PAFAH1B2: variants seen among roughly 807,000 people sequenced by gnomAD.
PAFAH1B2 encodes platelet activating factor acetylhydrolase 1b catalytic subunit 2.
PAFAH1B2 carries 8 observed loss-of-function variants against 28.0 expected under a neutral mutation model. The ratio of observed to expected loss-of-function variants is 0.29; its 90% CI spans 0.17 to 0.52. The LOEUF (loss-of-function observed/expected upper bound fraction) is 0.52. PAFAH1B2 is among the 20% of genes least tolerant of loss of function. The pLI, the probability that PAFAH1B2 is intolerant of heterozygous loss-of-function variation, is 0.97. For missense variants in PAFAH1B2, 190 were observed against 282.6 expected (o/e 0.67, Z 2.35); for synonymous variants, 104 against 103.2 (o/e 1.01, Z -0.05).
At chr11:117,175,919 A>T, downstream of PAFAH1B2, 1 of 1,535,846 alleles carries the variant, frequency 6.5e-7, no homozygotes, top group Non-Finnish European at 8.7e-7. Flanking sequence ...ATTTACTGGC[A>T]AGATGAGCAG....
rs1956342081 is a variant in PAFAH1B2 at position 117,160,140 on chromosome 11, T to C, written c.171+117T>C. On this transcript the variant is annotated intron_variant, in intron 3 of 5. Transcript: ENST00000527958. The stretch of plus-strand genomic sequence containing the variant: ...TTGTGACTCTTAGAGAAGCCCTAAT[T>C]GAGGTTATAAGAGAATCAAAGCTAC... The C allele has an allele frequency of 1.5e-5, 12 of 776,884 alleles. No individual in the cohort carries two copies. In the South Asian group the frequency reaches 1.8e-4, roughly 12 times the overall value. The allele number at this position is 776,884 out of a possible 1,614,324, so 48.1% of individuals were successfully genotyped here.
At chr11:117,159,736 GAAAAA>G (rs369169854) in intron 2 of PAFAH1B2, 193 bp from the exon 3 acceptor site, 2 of 404,788 alleles carry the variant, frequency 4.9e-6, no homozygotes, top group African/African-American at 2.5e-5. Flanking sequence ...CGCTGTCTTA[GAAAAA>G]AAAAAAAAAA....
At chr11:117,155,305 G>C (rs540002398) in intron 2 of PAFAH1B2, among the ~76,000 whole-genome samples, 1 of 152,126 alleles carries the variant, frequency 6.6e-6, no homozygotes, top group African/African-American at 2.4e-5. Context: ...AAATAGAATA[G>C]AAATCGTATC....
rs887099384 is a variant in PAFAH1B2 at position 117,144,400 on chromosome 11, G to C, written c.-26G>C. ...CCGACGCCTCAGCCGCTTGGGGCCCGCACGGACCCTCTACTTCAGTGAGTG... is the reference window on the plus strand; with the variant it reads ...CCGACGCCTCAGCCGCTTGGGGCCCCCACGGACCCTCTACTTCAGTGAGTG... On this transcript the variant is annotated 5_prime_UTR_variant, in exon 1 of 6. Coordinates refer to ENST00000527958, the MANE Select transcript of PAFAH1B2 (RefSeq NM_002572.4). 2.5e-6 allele frequency: 1 copy of C among 404,066 alleles called. No homozygotes were observed. Among genetic ancestry groups the C allele is most frequent in the Admixed American group, 2.6e-5 (1 of 38,658 alleles). 25.0% of individuals were successfully genotyped at this position (404,066 alleles called of 1,614,324 possible).
chr11:117,160,899 TTAA>T (rs1205095115), intron 3 of PAFAH1B2, among the ~76,000 whole-genome samples: 4 of 152,194 alleles, frequency 2.6e-5, no homozygotes, highest in African/African-American at 9.7e-5. Context: ...AGCTTAATTA[TTAA>T]TGTTGATACC....
chr11:117,150,777 G>A (rs938373444), intron 1 of PAFAH1B2, among the ~76,000 whole-genome samples: 4 of 152,080 alleles, frequency 2.6e-5, no homozygotes, highest in African/African-American at 7.2e-5. Flanking sequence ...CTTTTCTTCA[G>A]GAGATCGAGA....
At chr11:117,149,362 T>C (rs535106717) in intron 1 of PAFAH1B2, among the ~76,000 whole-genome samples, 10 of 150,786 alleles carry the variant, frequency 6.6e-5, no homozygotes, top group African/African-American at 2.4e-4. Context: ...AGATTATAAG[T>C]GTGAGCCGCC....
At chr11:117,176,434 G>A (rs768638526) in exon 6 of PAFAH1B2, 14 of 211,438 alleles carry the variant, frequency 6.6e-5, no homozygotes, top group Non-Finnish European at 1.1e-4. Context: ...AGTCTTCATT[G>A]GAACAAGGCT....
chr11:117,176,416 G>T (rs2134240839), exon 6 of PAFAH1B2: 1 of 219,838 alleles, frequency 4.5e-6, no homozygotes, highest in East Asian at 6.8e-5. Flanking sequence ...CTGATCATAA[G>T]GTAAAATAGT....
At chr11:117,148,939 C>T (rs530603421) in intron 1 of PAFAH1B2, among the ~76,000 whole-genome samples, 1 of 152,098 alleles carries the variant, frequency 6.6e-6, no homozygotes, top group East Asian at 1.9e-4. Flanking sequence ...ATGATCACAG[C>T]TCACTGCAGC....
intron 5 of PAFAH1B2, among the ~76,000 whole-genome samples, chr11:117,164,919 C>T (rs996450416): frequency 6.6e-6 from 1 of 151,644 alleles, no homozygotes; most frequent in African/African-American, 2.4e-5. Flanking sequence ...GCCTGTAATC[C>T]CAGCTATTCG....
rs549739073 is a variant in PAFAH1B2, at chr11:117,145,799, C to CGAA, written c.-8+1381_-8+1382insGAA. Among the ~76,000 whole-genome samples the CGAA allele has an allele frequency of 4.6e-3, 705 of 152,302 alleles. 2 individuals are homozygous for CGAA. Among genetic ancestry groups the CGAA allele is most frequent in the African/African-American group, 0.015 (639 of 41,560 alleles). Reference sequence around the variant, plus strand: ...TTTTAATTCTTGGTTCAACTTTCTTCATCTGTTTTCCTGGTTCAGACTAAA... The same window carrying CGAA: ...TTTTAATTCTTGGTTCAACTTTCTTCGAAATCTGTTTTCCTGGTTCAGACTAAA... On this transcript the variant is annotated intron_variant, in intron 1 of 5. Coordinates refer to ENST00000527958, the MANE Select transcript of PAFAH1B2 (RefSeq NM_002572.4).
At chr11:117,162,036 A>G (rs1409122921) in intron 4 of PAFAH1B2, among the ~76,000 whole-genome samples, 2 of 152,216 alleles carry the variant, frequency 1.3e-5, no homozygotes, top group Non-Finnish European at 1.5e-5. Flanking sequence ...ATTTCTACCC[A>G]GTATCTTATA....
At chr11:117,175,123 A>C (rs2134238717), downstream of PAFAH1B2, 3 of 1,239,232 alleles carry the variant, frequency 2.4e-6, no homozygotes, top group South Asian at 8.0e-5. Context: ...AATATAAGTC[A>C]AATAAGCCTT....
downstream of PAFAH1B2, chr11:117,175,179 CTT>C (rs560374752): frequency 1.9e-4 from 215 of 1,138,846 alleles, 2 homozygotes; most frequent in Admixed American, 2.4e-3. Context: ...GGGTTGAGCT[CTT>C]TGTATATTAT....
downstream of PAFAH1B2, chr11:117,171,771 T>C (rs1462521970): frequency 6.5e-7 from 1 of 1,527,334 alleles, no homozygotes; most frequent in African/African-American, 1.4e-5. Context: ...CGGTATGATG[T>C]TCCTTGGCAG....
intron 2 of PAFAH1B2, among the ~76,000 whole-genome samples, chr11:117,157,982 A>G (rs1360566330): frequency 6.6e-6 from 1 of 151,992 alleles, no homozygotes; most frequent in Non-Finnish European, 1.5e-5. Context: ...TACTAAAAAT[A>G]CAAAAATTAG....
chr11:117,156,859 G>A (rs1956265554), intron 2 of PAFAH1B2, among the ~76,000 whole-genome samples: 1 of 151,904 alleles, frequency 6.6e-6, no homozygotes, highest in Admixed American at 6.6e-5. Context: ...TACAAAAAAT[G>A]CCAAAAATAA....
chr11:117,168,459 T>TTTTTTG lies in PAFAH1B2; in HGVS notation c.*765_*766insGTTTTT, dbSNP rs1956569939. 2 of 958,280 alleles carry TTTTTTG rather than the reference T, an allele frequency of 2.1e-6. No individual in the cohort carries two copies. The highest frequency in any genetic ancestry group is 2.5e-6 in the Non-Finnish European group (2 of 798,968). The allele number at this position is 958,280 out of a possible 1,614,324, so 59.4% of individuals were successfully genotyped here. A position where few individuals can be genotyped will look rare whatever the true frequency, so the allele number is the denominator to read the frequency against. On this transcript the variant is annotated 3_prime_UTR_variant, in exon 6 of 6. Transcript: ENST00000527958. ...CCCCGCCACCCCGTTTTTTTTTTTT[T>TTTTTTG]TTTTTTTTTTTTGGTTCTTGTTGAC...
Sources: gnomAD v4.1 joint callset for allele counts (sites outside exome capture counted in the v4.1 genomes callset) on GRCh38, gnomAD v4.1.1 for gene constraint, MANE v1.5 for transcripts, NCBI Gene and HGNC (gene_info 2026-07-23, HGNC 2026-07-21) for gene names.